EHD1: variants seen among roughly 807,000 people sequenced by gnomAD.
EHD1 encodes the protein EH domain-containing protein 1.
Under a neutral mutation model 39.0 loss-of-function variants are expected in EHD1, and 19 were observed. The observed-to-expected ratio is 0.49, with a 90% CI of 0.34 to 0.72. The LOEUF (loss-of-function observed/expected upper bound fraction) is 0.72. Ranked by LOEUF, EHD1 falls within the 30% of genes least tolerant of loss-of-function variation. EHD1 has a pLI of 0.01. For missense variants in EHD1, 542 were observed against 751.5 expected, an observed-to-expected ratio of 0.72 and a Z score of 3.26; for synonymous variants, 323 against 331.2, an observed-to-expected ratio of 0.98 and a Z score of 0.27.
At chr11:64,855,731 A>C (rs1365742847) in intron 3 of EHD1, 4 of 544,388 alleles carry the variant, frequency 7.3e-6, no homozygotes, top group African/African-American at 3.8e-5. Flanking sequence ...AACGCACTTG[A>C]AACAGAAGAC....
In EHD1 at chr11:64,860,305, G is replaced by A. The variant is rs148805183; in HGVS notation, c.534C>T (p.Phe178=). Residue 178 remains phenylalanine (F), a synonymous_variant, in exon 3 of 5, where the codon TTC becomes TTT. Transcript: ENST00000320631. Reference sequence around the variant, plus strand: ...GGATGATGCGGTCCACACGCTCCGCGAACCACTCCAGGACGGCTGCAAAGT... The same window carrying A: ...GGATGATGCGGTCCACACGCTCCGCAAACCACTCCAGGACGGCTGCAAAGT... ...GYDFAAVLEW[F]AERVDRIILL... 35 of 1,613,712 alleles carry A rather than the reference G, an allele frequency of 2.2e-5. No individual in the cohort carries two copies. The African/African-American group carries it at 3.3e-4, about 15-fold the overall frequency.
At chr11:64,879,660 C>T (rs1289022391), upstream of EHD1, 1 of 1,550,932 alleles carries the variant, frequency 6.4e-7, no homozygotes, top group East Asian at 2.4e-5. Flanking sequence ...TCCTCCCCGG[C>T]CACACACAGA....
At chr11:64,861,611 C>T (rs1425187821) in intron 2 of EHD1, among the ~76,000 whole-genome samples, 2 of 147,778 alleles carry the variant, frequency 1.4e-5, no homozygotes, top group African/African-American at 5.4e-5. Context: ...TGGCCCACCA[C>T]CTGTTTGTAT....
At chr11:64,863,558 C>T (rs1943737339) in intron 2 of EHD1, among the ~76,000 whole-genome samples, 2 of 152,230 alleles carry the variant, frequency 1.3e-5, no homozygotes, top group African/African-American at 4.8e-5. Flanking sequence ...GCTGCCTCTA[C>T]GCACAAGCAC....
At position 64,860,020 on chromosome 11, in the gene EHD1, G is replaced by A. The variant is rs61738612; in HGVS notation, c.819C>T (p.Ala273=). 1.6e-5 allele frequency: 26 copies of A among 1,614,064 alleles called. No homozygotes were observed. In the East Asian group the frequency reaches 1.8e-4, roughly 11 times the overall value. ...TGTCCTTGAAGAGGTCCTGCTCCTC[G>A]GCCTCAAAGAGCTTGCGGTTGTCGG... ...LIPDNRKLFE[A]EEQDLFKDIQ... Residue 273 remains alanine (A), a synonymous_variant, in exon 3 of 5, where the codon GCC becomes GCT. Transcript: ENST00000320631.
upstream of EHD1, chr11:64,879,047 C>T (rs1413826879): frequency 1.0e-6 from 1 of 999,508 alleles, no homozygotes; most frequent in Non-Finnish European, 1.2e-6. Context: ...GTGCGGTCCT[C>T]CAGCTGGCTC....
intron 2 of EHD1, among the ~76,000 whole-genome samples, chr11:64,873,680 C>CT (rs758063360): frequency 1.6e-3 from 230 of 144,290 alleles, no homozygotes; most frequent in Middle Eastern, 7.2e-3. Flanking sequence ...TACTCGGACA[C>CT]TTTTTTTTTT....
chr11:64,854,501 G>C lies in EHD1; in HGVS notation c.1437C>G (p.Thr479=). The stretch of plus-strand genomic sequence containing the variant: ...CCAGCTTCCAGATCTTCCCTAGCAC[G>C]GTGTTGGGGAGCTTGGACTTCACCA... The part of the protein sequence containing the change: ...KEMVKSKLPN[T]VLGKIWKLAD... Residue 479 remains threonine (T), a synonymous_variant, in exon 5 of 5, where the codon ACC becomes ACG. Coordinates refer to ENST00000320631, the MANE Select transcript of EHD1 (RefSeq NM_006795.4). 1 of 1,614,180 alleles carries C rather than the reference G, an allele frequency of 6.2e-7. No individual in the cohort carries two copies. The highest frequency in any genetic ancestry group is 8.5e-7 in the Non-Finnish European group (1 of 1,180,008).
At position 64,854,478 on chromosome 11, in the gene EHD1, AGCTTCCAGATCTTCCCTAGCAC is replaced by A. The variant is rs1188603359; in HGVS notation, c.1438_1459del (p.Val480TrpfsTer79). ...CAGCCCGTCCTTGTCCACGTCGGCC[AGCTTCCAGATCTTCCCTAGCAC>A]GGTGTTGGGGAGCTTGGACTTCACC... On this transcript the variant is annotated frameshift_variant, in exon 5 of 5. Transcript: ENST00000320631. LOFTEE classifies it high-confidence loss of function. 6.2e-7 allele frequency: 1 copy of A among 1,614,146 alleles called. No individual in the cohort carries two copies.
chr11:64,873,507 A>G (rs796578266), intron 2 of EHD1, among the ~76,000 whole-genome samples: 79 of 152,264 alleles, frequency 5.2e-4, no homozygotes, highest in African/African-American at 1.7e-3. Flanking sequence ...TGTTTCCAGC[A>G]TGCCCCAGGG....
rs1346711027 is a variant in EHD1 at position 64,854,214 on chromosome 11, G to A, written c.*119C>T. On this transcript the variant is annotated 3_prime_UTR_variant, in exon 5 of 5. Coordinates refer to ENST00000320631, the MANE Select transcript of EHD1 (RefSeq NM_006795.4). Reference sequence around the variant, plus strand: ...AAGAAAGATGGTGGTTTTCCTTTTCGAGAGGCGAGGAAACATCCGCTCAGT... The same window carrying A: ...AAGAAAGATGGTGGTTTTCCTTTTCAAGAGGCGAGGAAACATCCGCTCAGT... 11 of 1,423,828 alleles carry A rather than the reference G, an allele frequency of 7.7e-6. No individual in the cohort carries two copies. In the Admixed American group the frequency reaches 2.3e-4, roughly 29 times the overall value. 88.2% of individuals were successfully genotyped at this position (1,423,828 alleles called of 1,614,324 possible). A position where few individuals can be genotyped will look rare whatever the true frequency, so the allele number is the denominator to read the frequency against.
chr11:64,857,151 G>A (rs943909324), intron 3 of EHD1, among the ~76,000 whole-genome samples: 19 of 152,228 alleles, frequency 1.2e-4, no homozygotes, highest in Admixed American at 3.9e-4. Context: ...CCAGCCGGGC[G>A]CGGTGGCTCA....
At chr11:64,865,674 A>G (rs1314392453) in intron 2 of EHD1, among the ~76,000 whole-genome samples, 1 of 152,222 alleles carries the variant, frequency 6.6e-6, no homozygotes, top group African/African-American at 2.4e-5. Flanking sequence ...CCTGGGACCT[A>G]GAAGACATGA....
upstream of EHD1, chr11:64,879,560 G>T (rs572540197): frequency 1.1e-5 from 17 of 1,549,094 alleles, no homozygotes; most frequent in South Asian, 1.1e-4. Flanking sequence ...TCCTCTCGGG[G>T]TCACCACCAT....
At position 64,854,624 on chromosome 11, in the gene EHD1, C is replaced by T. The variant is rs1184789569; in HGVS notation, c.1314G>A (p.Glu438=). The part of the protein sequence containing the change: ...EGAGEGIDDV[E]WVVGKDKPTY... ...TGGGCTTGTCCTTGCCCACCACCCA[C>T]TCCACGTCGTCGATGCCCTCGCCGG... The change falls in exon 5 of 5, where the codon GAG becomes GAA. Residue 438 remains glutamate (E), a synonymous_variant. Transcript: ENST00000320631. 3 of 1,613,960 alleles carry T rather than the reference C, an allele frequency of 1.9e-6. No individual in the cohort carries two copies. The Admixed American group carries it at 5.0e-5, about 27-fold the overall frequency.
At chr11:64,870,302 C>A (rs546792219) in intron 2 of EHD1, among the ~76,000 whole-genome samples, 1 of 152,324 alleles carries the variant, frequency 6.6e-6, no homozygotes, top group Admixed American at 6.5e-5. Context: ...GCCAAGGCAC[C>A]CTTCTCAGCT....
intron 2 of EHD1, among the ~76,000 whole-genome samples, chr11:64,873,061 C>T (rs191163002): frequency 6.6e-6 from 1 of 152,338 alleles, no homozygotes; most frequent in Non-Finnish European, 1.5e-5. Context: ...CCCTCAAGCT[C>T]CTCCCAGAAA....
upstream of EHD1, chr11:64,879,490 G>T: frequency 2.1e-6 from 3 of 1,417,414 alleles, no homozygotes; most frequent in Non-Finnish European, 2.9e-6. Flanking sequence ...AAGTGTGGGG[G>T]CAACAATGAA....
rs535774474 is a variant in EHD1 at position 64,858,882 on chromosome 11, A to G, written c.915+1042T>C. The stretch of plus-strand genomic sequence containing the variant: ...TAGGTGCCACCAGGCCTGGGCTGCC[A>G]GGAGACCTAAGGATGGTCTGCAAGG... On this transcript the variant is annotated intron_variant, in intron 3 of 4. Transcript: ENST00000320631. Among the ~76,000 whole-genome samples the G allele has an allele frequency of 1.7e-4, 26 of 152,356 alleles. No individual in the cohort carries two copies. The South Asian group carries it at 5.4e-3, about 32-fold the overall frequency.
Sources: gnomAD v4.1 joint callset for allele counts (sites outside exome capture counted in the v4.1 genomes callset) on GRCh38, gnomAD v4.1.1 for gene constraint, MANE v1.5 for transcripts, NCBI Gene and HGNC (gene_info 2026-07-23, HGNC 2026-07-21) for gene names.